Variants in ART3 observed in about 807,000 individuals in gnomAD.
ART3 encodes the protein ADP-ribosyltransferase 3 (inactive), also known as ecto-ADP-ribosyltransferase 3.
ART3 carries 49 observed loss-of-function variants against 48.5 expected under a neutral mutation model. The ratio of observed to expected loss-of-function variants is 1.01; its 90% confidence interval spans 0.80 to 1.28. The LOEUF is 1.28. Ranked by LOEUF, ART3 falls within the 50% of genes most tolerant of loss-of-function variation. The probability of loss-of-function intolerance (pLI) is 0.00; values close to 1 mark genes in which losing one functional copy is unlikely to be tolerated. For missense variants in ART3, 438 were observed against 454.3 expected, an observed-to-expected ratio of 0.96 and a Z score of 0.33; for synonymous variants, 145 against 157.2, an observed-to-expected ratio of 0.92 and a Z score of 0.58.
chr4:76,038,429 G>A (rs1436594826), intron 1 of ART3, among the ~76,000 whole-genome samples: 1 of 152,096 alleles, frequency 6.6e-6, no homozygotes, highest in Non-Finnish European at 1.5e-5. Flanking sequence ...GATAAGGTGA[G>A]GGGGCTACTG....
intron 3 of ART3, among the ~76,000 whole-genome samples, chr4:76,086,836 G>A (rs1396557582): frequency 6.6e-6 from 1 of 152,170 alleles, no homozygotes; most frequent in Non-Finnish European, 1.5e-5. Context: ...CTGATCGTGG[G>A]TATGCATGTC....
intron 1 of ART3, among the ~76,000 whole-genome samples, chr4:76,026,311 T>C (rs914837508): frequency 1.3e-5 from 2 of 152,090 alleles, no homozygotes; most frequent in Non-Finnish European, 2.9e-5. Context: ...TTTTAATTAG[T>C]GTAATGTCTG....
At chr4:76,087,512 G>C (rs1003773365) in intron 3 of ART3, among the ~76,000 whole-genome samples, 2 of 152,132 alleles carry the variant, frequency 1.3e-5, no homozygotes, top group South Asian at 4.1e-4. Flanking sequence ...GTTCCATTGT[G>C]ACTGGATATA....
chr4:76,039,103 C>CTTT (rs11422213), intron 1 of ART3, among the ~76,000 whole-genome samples: 1 of 142,222 alleles, frequency 7.0e-6, no homozygotes, highest in African/African-American at 2.6e-5. Context: ...AATAATAGTA[C>CTTT]TTTTTTTTTT....
At chr4:76,036,133 C>G in intron 1 of ART3, 1 of 651,526 alleles carries the variant, frequency 1.5e-6, no homozygotes, top group East Asian at 2.8e-5. Flanking sequence ...CCTTTTATGG[C>G]ACAGGAATTT....
At chr4:76,095,495 G>A (rs1287628909) in intron 3 of ART3, among the ~76,000 whole-genome samples, 8 of 152,254 alleles carry the variant, frequency 5.3e-5, no homozygotes, top group South Asian at 2.1e-4. Context: ...GTGACAGAGC[G>A]AGACTCCATC....
Position 76,017,728 on chromosome 4 carries a change from G to C in ART3, c.-10+6408G>C, listed in dbSNP as rs189856178. ...ATTTAGGACCCCAGAGCACTTTAGCGAGCAGAGGCAAGACTTGCCAAAACT... is the reference window on the plus strand; with the variant it reads ...ATTTAGGACCCCAGAGCACTTTAGCCAGCAGAGGCAAGACTTGCCAAAACT... On this transcript the variant is annotated intron_variant, in intron 1 of 9. Coordinates refer to the ART3 transcript ENST00000341029. 1.3e-3 allele frequency among the ~76,000 whole-genome samples: 199 copies of C among 152,292 alleles called. 3 individuals carry two copies. Among genetic ancestry groups the C allele is most frequent in the African/African-American group, 4.4e-3 (183 of 41,572 alleles).
intron 1 of ART3, among the ~76,000 whole-genome samples, chr4:76,013,341 G>A (rs1057490452): frequency 6.6e-6 from 1 of 152,156 alleles, no homozygotes. Context: ...TAGAAATGTG[G>A]CAGGAACAAG....
chr4:76,103,614 G>A (rs533311609), intron 8 of ART3, among the ~76,000 whole-genome samples: 1 of 152,026 alleles, frequency 6.6e-6, no homozygotes, highest in African/African-American at 2.4e-5. Context: ...CTATAATTAC[G>A]ATAGAGCTAA....
At chr4:76,104,984 C>CA (rs898389506) in intron 10 of ART3, among the ~76,000 whole-genome samples, 4 of 152,182 alleles carry the variant, frequency 2.6e-5, no homozygotes, top group Admixed American at 6.5e-5. Flanking sequence ...ACGCTGCTGT[C>CA]AATGGAAGCT....
intron 1 of ART3, among the ~76,000 whole-genome samples, chr4:76,046,597 A>AT (rs1019813103): frequency 2.6e-5 from 4 of 151,902 alleles, no homozygotes; most frequent in African/African-American, 4.8e-5. Context: ...CTGGGCAGGC[A>AT]TTTTTTGCCC....
chr4:76,064,245 T>C (rs1719497462), intron 1 of ART3, among the ~76,000 whole-genome samples: 1 of 151,866 alleles, frequency 6.6e-6, no homozygotes, highest in South Asian at 2.1e-4. Context: ...ATACTACTTT[T>C]CCCAACAACC....
chr4:76,084,293 TGTG>T (rs1447230339), intron 3 of ART3, among the ~76,000 whole-genome samples: 2 of 152,164 alleles, frequency 1.3e-5, no homozygotes, highest in Non-Finnish European at 2.9e-5. Flanking sequence ...CTTTGTTTGG[TGTG>T]GTGGGGATGG....
intron 1 of ART3, among the ~76,000 whole-genome samples, chr4:76,023,162 T>C (rs1214867217): frequency 6.6e-6 from 1 of 152,180 alleles, no homozygotes; most frequent in African/African-American, 2.4e-5. Context: ...CTGTCCTCCT[T>C]CCCTTTTTCC....
chr4:76,101,320 A>T (rs1727261260), intron 8 of ART3, among the ~76,000 whole-genome samples: 1 of 152,198 alleles, frequency 6.6e-6, no homozygotes, highest in African/African-American at 2.4e-5. Context: ...GGCATAACAA[A>T]TATTGTTTTT....
At chr4:76,024,117 A>T (rs1733143988) in intron 1 of ART3, among the ~76,000 whole-genome samples, 1 of 152,212 alleles carries the variant, frequency 6.6e-6, no homozygotes, top group East Asian at 1.9e-4. Flanking sequence ...TTGAGGGAAA[A>T]CATTGCTCAT....
chr4:76,012,539 T>A (rs1731902106), intron 1 of ART3, among the ~76,000 whole-genome samples: 1 of 152,230 alleles, frequency 6.6e-6, no homozygotes, highest in Non-Finnish European at 1.5e-5. Flanking sequence ...ATATCCTGTC[T>A]GCATCTAAGT....
intron 2 of ART3, among the ~76,000 whole-genome samples, chr4:76,080,145 C>G (rs902098438): frequency 6.6e-6 from 1 of 152,098 alleles, no homozygotes; most frequent in Non-Finnish European, 1.5e-5. Flanking sequence ...AATGGTATTC[C>G]TGGGGAGATT....
chr4:76,073,692 G>C (rs759933337), upstream of ART3, among the ~76,000 whole-genome samples: 23 of 152,146 alleles, frequency 1.5e-4, no homozygotes, highest in Non-Finnish European at 2.8e-4. Context: ...ATGCTCCTCT[G>C]TGCCCTTTCC....
Sources: allele counts gnomAD v4.1 joint callset (sites outside exome capture counted in the v4.1 genomes callset), GRCh38; gene constraint gnomAD v4.1.1; transcripts MANE v1.5; gene names NCBI Gene and HGNC (gene_info 2026-07-23, HGNC 2026-07-21).